RANBP2: variants seen among roughly 807,000 people sequenced by gnomAD.
RANBP2 encodes the protein E3 SUMO-protein ligase RanBP2.
Under a neutral mutation model 303.6 loss-of-function variants are expected in RANBP2, and 57 were observed. That is an observed-to-expected ratio of 0.19 (90% CI 0.15 to 0.23). RANBP2 has a LOEUF of 0.23. RANBP2 is among the 10% of genes least tolerant of loss of function. The pLI, the probability that RANBP2 is intolerant of heterozygous loss-of-function variation, is 1.00. For synonymous variants in RANBP2, 1,167 were observed against 1,301.5 expected (o/e 0.90, Z 2.23); for missense variants, 3,138 against 3,780.8 (o/e 0.83, Z 4.46).
chr2:109,306,072 T>A, the RANBP2 span, among the ~76,000 whole-genome samples: 1 of 152,232 alleles, frequency 6.6e-6, no homozygotes, highest in Non-Finnish European at 1.5e-5. Flanking sequence ...CAGTGGGATG[T>A]GCTTGGGATA....
At chr2:109,099,830 G>T in the RANBP2 span, among the ~76,000 whole-genome samples, 23 of 151,720 alleles carry the variant, frequency 1.5e-4, no homozygotes, top group Non-Finnish European at 2.8e-4. Flanking sequence ...TTCTTTTTCA[G>T]TTTGTCATCC....
At chr2:109,677,992 G>A in the RANBP2 span, among the ~76,000 whole-genome samples, 1 of 152,218 alleles carries the variant, frequency 6.6e-6, no homozygotes, top group African/African-American at 2.4e-5. Flanking sequence ...GGACTGAAAT[G>A]GGCATCAGGC....
the RANBP2 span, among the ~76,000 whole-genome samples, chr2:109,369,841 C>A: frequency 3.3e-5 from 5 of 152,226 alleles, no homozygotes; most frequent in Non-Finnish European, 7.3e-5. Context: ...TAGACCCCAC[C>A]AGCCTAAAAC....
At chr2:109,306,531 C>T in the RANBP2 span, among the ~76,000 whole-genome samples, 1 of 152,284 alleles carries the variant, frequency 6.6e-6, no homozygotes, top group Admixed American at 6.5e-5. Flanking sequence ...TCCGACCTGC[C>T]CTTGTGGATG....
the RANBP2 span, among the ~76,000 whole-genome samples, chr2:109,019,305 T>C: frequency 6.6e-6 from 1 of 152,220 alleles, no homozygotes; most frequent in Non-Finnish European, 1.5e-5. Context: ...TGTTGTTGTG[T>C]GTGTCGGGTG....
intron 18 of RANBP2, among the ~76,000 whole-genome samples, 197 bp from the exon 19 acceptor site, chr2:108,761,904 C>T (rs1676755103): frequency 1.3e-5 from 2 of 152,190 alleles, no homozygotes; most frequent in African/African-American, 4.8e-5. Context: ...TTCTTCATGT[C>T]ATATTTAGCA....
chr2:108,754,074 T>C (rs753999576), intron 15 of RANBP2, 103 bp downstream of exon 15: 231 of 1,607,804 alleles, frequency 1.4e-4, no homozygotes, highest in Non-Finnish European at 1.9e-4. Flanking sequence ...CTCAGTAATA[T>C]GTTGTTATTA....
At chr2:109,504,429 A>T in the RANBP2 span, 1 of 152,250 alleles carries the variant, frequency 6.6e-6, no homozygotes, top group Non-Finnish European at 1.5e-5. Context: ...TCATGGGGTG[A>T]TGCCAGGCCG....
chr2:108,968,310 G>C, the RANBP2 span, among the ~76,000 whole-genome samples: 3 of 152,156 alleles, frequency 2.0e-5, no homozygotes, highest in Non-Finnish European at 4.4e-5. Flanking sequence ...AAGATGGAAT[G>C]GTTTAGCTCA....
At chr2:109,241,535 A>G in the RANBP2 span, among the ~76,000 whole-genome samples, 1 of 152,008 alleles carries the variant, frequency 6.6e-6, no homozygotes, top group South Asian at 2.1e-4. Context: ...ATTTATAACC[A>G]TCCGTCCTCC....
At chr2:109,164,100 A>G in the RANBP2 span, among the ~76,000 whole-genome samples, 2 of 150,928 alleles carry the variant, frequency 1.3e-5, no homozygotes, top group South Asian at 2.1e-4. Flanking sequence ...GAGGAGGCCT[A>G]CTCTTCTCTT....
chr2:108,884,837 C>T, the RANBP2 span: 2 of 152,238 alleles, frequency 1.3e-5, no homozygotes, highest in Non-Finnish European at 2.9e-5. Context: ...GGTGCAGGCT[C>T]AGGAATTGAA....
At chr2:109,528,497 A>G in the RANBP2 span, among the ~76,000 whole-genome samples, 3 of 152,188 alleles carry the variant, frequency 2.0e-5, no homozygotes, top group Non-Finnish European at 4.4e-5. Context: ...GATGCCCGCC[A>G]CAGCCAGTCC....
chr2:108,737,775 G>A (rs1695729425), intron 6 of RANBP2, among the ~76,000 whole-genome samples: 1 of 148,390 alleles, frequency 6.7e-6, no homozygotes, highest in Non-Finnish European at 1.5e-5. Flanking sequence ...GTACTGTGGG[G>A]CAATCTCGGC....
the RANBP2 span, among the ~76,000 whole-genome samples, chr2:109,557,567 G>A: frequency 1.3e-5 from 2 of 152,230 alleles, no homozygotes; most frequent in African/African-American, 4.8e-5. Context: ...GTCTCAGCAG[G>A]AGAAAGTAAT....
At chr2:109,276,296 C>T in the RANBP2 span, among the ~76,000 whole-genome samples, 61 of 152,148 alleles carry the variant, frequency 4.0e-4, no homozygotes, top group Non-Finnish European at 7.9e-4. Context: ...AAAAGGGTCA[C>T]GATTAGATGG....
At chr2:109,602,590 G>C in the RANBP2 span, among the ~76,000 whole-genome samples, 5 of 151,238 alleles carry the variant, frequency 3.3e-5, no homozygotes, top group East Asian at 7.8e-4. Flanking sequence ...CAGGAGAATC[G>C]CTTGAACCTG....
chr2:109,476,063 G>C, the RANBP2 span, among the ~76,000 whole-genome samples: 8 of 152,240 alleles, frequency 5.3e-5, no homozygotes, highest in African/African-American at 1.9e-4. Flanking sequence ...AGTACTGTAC[G>C]GTATGCTTAG....
the RANBP2 span, among the ~76,000 whole-genome samples, chr2:109,249,472 TC>T: frequency 6.0e-5 from 1 of 16,604 alleles, no homozygotes; most frequent in Non-Finnish European, 8.9e-5. Context: ...TCTTTCTCTT[TC>T]TTTCTTTCTT....
Sources: allele counts gnomAD v4.1 joint callset (sites outside exome capture counted in the v4.1 genomes callset), GRCh38; gene constraint gnomAD v4.1.1; transcripts MANE v1.5; gene names NCBI Gene and HGNC (gene_info 2026-07-23, HGNC 2026-07-21).